The following PPP3R1 variants were observed in gnomAD, a reference collection of about 807,000 sequenced individuals.
The protein encoded by PPP3R1 is protein phosphatase 3 regulatory subunit B, alpha.
In PPP3R1, 5 loss-of-function variants were observed where a neutral mutation model predicts 22.6. That is an observed-to-expected ratio of 0.22 (90% CI 0.12 to 0.46). PPP3R1 has a LOEUF of 0.46. Ranked by LOEUF, PPP3R1 falls within the 20% of genes least tolerant of loss-of-function variation. The probability of loss-of-function intolerance (pLI) is 0.99; values close to 1 mark genes in which losing one functional copy is unlikely to be tolerated. For missense variants in PPP3R1, 61 were observed against 203.2 expected (o/e 0.30, Z 4.25); for synonymous variants, 56 against 65.2 (o/e 0.86, Z 0.68).
At chr2:68,229,926 ATGTG>A (rs548038517) in intron 1 of PPP3R1, among the ~76,000 whole-genome samples, 47 of 149,082 alleles carry the variant, frequency 3.2e-4, no homozygotes, top group South Asian at 1.3e-3. Flanking sequence ...GTGTATATAT[ATGTG>A]TGTGTATGTG....
chr2:68,227,839 GAA>G (rs1669816605), intron 1 of PPP3R1, among the ~76,000 whole-genome samples: 1 of 151,704 alleles, frequency 6.6e-6, no homozygotes, highest in African/African-American at 2.4e-5. Flanking sequence ...CAATTTCGCC[GAA>G]CTTATTCATT....
chr2:68,199,552 C>T (rs374619163), intron 2 of PPP3R1, among the ~76,000 whole-genome samples: 2 of 152,062 alleles, frequency 1.3e-5, no homozygotes, highest in East Asian at 1.9e-4. Context: ...TAGGTAGAAA[C>T]GATTCAGCCT....
At chr2:68,202,150 T>C (rs1293871776) in intron 2 of PPP3R1, among the ~76,000 whole-genome samples, 3 of 152,242 alleles carry the variant, frequency 2.0e-5, no homozygotes, top group African/African-American at 7.2e-5. Context: ...CATTTTTCCA[T>C]ATCTTTTATC....
intron 1 of PPP3R1, among the ~76,000 whole-genome samples, chr2:68,225,073 T>A (rs756153456): frequency 1.3e-5 from 2 of 152,220 alleles, no homozygotes; most frequent in African/African-American, 4.8e-5. Flanking sequence ...GTGGAATAAA[T>A]GATTATGTGG....
At chr2:68,240,656 T>C (rs958174783) in intron 1 of PPP3R1, among the ~76,000 whole-genome samples, 5 of 152,168 alleles carry the variant, frequency 3.3e-5, no homozygotes, top group African/African-American at 7.2e-5. Flanking sequence ...CAGTAGCATA[T>C]GCAAAGGTTC....
chr2:68,226,389 G>A (rs1669780873), intron 1 of PPP3R1, among the ~76,000 whole-genome samples: 1 of 152,026 alleles, frequency 6.6e-6, no homozygotes, highest in Non-Finnish European at 1.5e-5. Context: ...AAATATAATG[G>A]AATTGCTTAA....
At position 68,179,550 on chromosome 2, in the gene PPP3R1, A is replaced by G. The variant is rs1285320914; in HGVS notation, c.*1413T>C. ...CCTGCCCTTTTCCACTGATTTTAAA[A>G]CCAGTTTTTATAGAGAAACTATAAA... On this transcript the variant is annotated 3_prime_UTR_variant, in exon 6 of 6. Transcript: ENST00000234310. 6.6e-6 allele frequency: 1 copy of G among 152,168 alleles called. No homozygotes were observed. The highest frequency in any genetic ancestry group is 1.5e-5 in the Non-Finnish European group (1 of 68,026). The allele number at this position is 152,168 out of a possible 1,614,324, so 9.4% of individuals were successfully genotyped here.
chr2:68,223,982 A>G (rs1195130733), intron 1 of PPP3R1, among the ~76,000 whole-genome samples: 1 of 152,212 alleles, frequency 6.6e-6, no homozygotes, highest in Admixed American at 6.5e-5. Flanking sequence ...AAAGTTAAAT[A>G]TATTTCATAT....
chr2:68,225,079 T>C (rs1384789113), intron 1 of PPP3R1, among the ~76,000 whole-genome samples: 6 of 152,262 alleles, frequency 3.9e-5, no homozygotes, highest in Admixed American at 2.6e-4. Flanking sequence ...TAAATGATTA[T>C]GTGGTGAACA....
chr2:68,181,826 A>G (rs560155554), intron 5 of PPP3R1, among the ~76,000 whole-genome samples: 2 of 152,190 alleles, frequency 1.3e-5, no homozygotes, highest in Admixed American at 6.5e-5. Flanking sequence ...AAGTGAATAA[A>G]CATGTCTGTA....
intron 2 of PPP3R1, among the ~76,000 whole-genome samples, chr2:68,205,544 A>G (rs530213250): frequency 6.6e-6 from 1 of 152,114 alleles, no homozygotes; most frequent in Non-Finnish European, 1.5e-5. Flanking sequence ...CCTAAACAGT[A>G]TTATCTCTAA....
At chr2:68,246,343 G>C (rs1474526560) in intron 1 of PPP3R1, among the ~76,000 whole-genome samples, 1 of 151,942 alleles carries the variant, frequency 6.6e-6, no homozygotes, top group African/African-American at 2.4e-5. Flanking sequence ...AAAGTGCTGG[G>C]ATTACAGGAG....
At chr2:68,246,823 A>G (rs1322037065) in intron 1 of PPP3R1, among the ~76,000 whole-genome samples, 1 of 152,182 alleles carries the variant, frequency 6.6e-6, no homozygotes, top group Non-Finnish European at 1.5e-5. Context: ...GGCTTCAACT[A>G]CTACCTAATA....
At chr2:68,201,876 C>A (rs1674982044) in intron 2 of PPP3R1, among the ~76,000 whole-genome samples, 1 of 152,206 alleles carries the variant, frequency 6.6e-6, no homozygotes, top group South Asian at 2.1e-4. Flanking sequence ...TTTTAGGTAA[C>A]AACTTCTATG....
chr2:68,237,458 A>G (rs1670039602), intron 1 of PPP3R1, among the ~76,000 whole-genome samples: 1 of 152,108 alleles, frequency 6.6e-6, no homozygotes, highest in Admixed American at 6.5e-5. Context: ...GTTACTTCTC[A>G]TAATATCAAA....
chr2:68,198,145 CA>C (rs1674839576), intron 2 of PPP3R1, among the ~76,000 whole-genome samples: 2 of 118,438 alleles, frequency 1.7e-5, no homozygotes, highest in Admixed American at 2.0e-4. Context: ...TTTACATATA[CA>C]ATACACATAT....
intron 2 of PPP3R1, among the ~76,000 whole-genome samples, chr2:68,209,084 C>T (rs1372802938): frequency 2.7e-5 from 4 of 150,238 alleles, no homozygotes; most frequent in African/African-American, 9.8e-5. Context: ...GTTGGCCGGG[C>T]GCGGTGGCTC....
At chr2:68,233,444 T>C (rs1032384665) in intron 1 of PPP3R1, among the ~76,000 whole-genome samples, 35 of 152,344 alleles carry the variant, frequency 2.3e-4, no homozygotes, top group Admixed American at 6.5e-4. Context: ...TTCCTCTGCA[T>C]GCCAACCTCA....
chr2:68,185,154 G>A (rs368987837), intron 5 of PPP3R1, among the ~76,000 whole-genome samples: 1 of 151,608 alleles, frequency 6.6e-6, no homozygotes, highest in Non-Finnish European at 1.5e-5. Flanking sequence ...GGGAGTCGGA[G>A]GTTGCAGTGA....
Sources: gnomAD v4.1 joint callset for allele counts (sites outside exome capture counted in the v4.1 genomes callset) on GRCh38, gnomAD v4.1.1 for gene constraint, MANE v1.5 for transcripts, NCBI Gene and HGNC (gene_info 2026-07-23, HGNC 2026-07-21) for gene names.